Variants in TENM2 observed in about 807,000 individuals in gnomAD.
TENM2 encodes the protein teneurin-2.
Under a neutral mutation model 245.2 loss-of-function variants are expected in TENM2, and 52 were observed. The ratio of observed to expected loss-of-function variants is 0.21; its 90% CI spans 0.17 to 0.27. The LOEUF (loss-of-function observed/expected upper bound fraction) is 0.27, where lower values mean the gene tolerates loss of function less well. Among genes scored for constraint, TENM2 ranks in the 10% least tolerant of loss-of-function variants. The probability of loss-of-function intolerance (pLI) is 1.00; values close to 1 mark genes in which losing one functional copy is unlikely to be tolerated. For missense variants in TENM2, 3,046 were observed against 3,666.8 expected, an observed-to-expected ratio of 0.83 and a Z score of 4.37; for synonymous variants, 1,363 against 1,438.9, an observed-to-expected ratio of 0.95 and a Z score of 1.19.
At chr5:168,230,157 A>G (rs1764717291) in intron 25 of TENM2, among the ~76,000 whole-genome samples, 1 of 152,246 alleles carries the variant, frequency 6.6e-6, no homozygotes, top group African/African-American at 2.4e-5. Flanking sequence ...AATTTCTGCC[A>G]GGGTTAGATT....
chr5:167,677,629 C>T (rs551316698), intron 2 of TENM2, among the ~76,000 whole-genome samples: 1 of 151,388 alleles, frequency 6.6e-6, no homozygotes, highest in South Asian at 2.1e-4. Context: ...TTGCTTTCAA[C>T]ATAGATTTCT....
In TENM2 at chr5:168,185,915, CATATATATAT is replaced by C. The variant is rs200942772; in HGVS notation, c.2570-4381_2570-4372del. ...GGACATATACTATATACCAGACTGA[CATATATATAT>C]ATATATATATATATATATATATATA... On this transcript the variant is annotated intron_variant, in intron 13 of 28. Transcript: ENST00000518659. Among the ~76,000 whole-genome samples, 234 of 73,748 alleles carry C rather than the reference CATATATATAT, an allele frequency of 3.2e-3. 1 individual carries two copies. The highest frequency in any genetic ancestry group is 4.9e-3 in the Non-Finnish European group (174 of 35,870). 48.4% of individuals were successfully genotyped at this position (73,748 alleles called of 152,430 possible).
At chr5:167,157,118 A>T in the TENM2 span, among the ~76,000 whole-genome samples, 3 of 152,180 alleles carry the variant, frequency 2.0e-5, no homozygotes, top group Non-Finnish European at 4.4e-5. Context: ...GTAATTTGGC[A>T]ATCTGTTACA....
At chr5:167,678,943 C>T (rs1756521604) in intron 2 of TENM2, among the ~76,000 whole-genome samples, 1 of 152,020 alleles carries the variant, frequency 6.6e-6, no homozygotes, top group African/African-American at 2.4e-5. Context: ...TTTTCTTCGG[C>T]AAAGTTGACG....
the TENM2 span, among the ~76,000 whole-genome samples, chr5:167,190,465 C>T: frequency 2.0e-5 from 3 of 151,982 alleles, no homozygotes; most frequent in African/African-American, 7.2e-5. Flanking sequence ...GGAAATTTTA[C>T]AGTCCTTATA....
chr5:167,369,529 C>A (rs184322804), intron 1 of TENM2, among the ~76,000 whole-genome samples: 5 of 151,968 alleles, frequency 3.3e-5, no homozygotes, highest in Non-Finnish European at 7.4e-5. Flanking sequence ...TATAGATTGG[C>A]ACCATATTAC....
chr5:167,226,014 C>T, the TENM2 span, among the ~76,000 whole-genome samples: 2 of 151,698 alleles, frequency 1.3e-5, no homozygotes, highest in Non-Finnish European at 3.0e-5. Context: ...TGTAATGCAT[C>T]CTTTTTGATT....
At chr5:168,007,179 T>G (rs1476762417) in intron 5 of TENM2, among the ~76,000 whole-genome samples, 1 of 151,642 alleles carries the variant, frequency 6.6e-6, no homozygotes, top group Non-Finnish European at 1.5e-5. Context: ...CAGGCTGGAG[T>G]GCAGCGGCAT....
At chr5:167,062,058 CTTAGTA>C in the TENM2 span, among the ~76,000 whole-genome samples, 4 of 151,898 alleles carry the variant, frequency 2.6e-5, no homozygotes, top group Non-Finnish European at 5.9e-5. Flanking sequence ...CTTCATGGCA[CTTAGTA>C]ATTTTAATAT....
intron 2 of TENM2, among the ~76,000 whole-genome samples, chr5:167,701,244 G>GT (rs970200215): frequency 3.4e-4 from 52 of 152,082 alleles, no homozygotes; most frequent in Admixed American, 3.1e-3. Context: ...CAGGATGTGG[G>GT]TTTTTTGCAT....
intron 13 of TENM2, among the ~76,000 whole-genome samples, chr5:168,164,566 C>G (rs1404334799): frequency 6.6e-6 from 1 of 152,158 alleles, no homozygotes; most frequent in Non-Finnish European, 1.5e-5. Flanking sequence ...CGGCCCTTTA[C>G]AGGAGAAGTT....
At chr5:167,823,404 A>G (rs1767700009) in intron 2 of TENM2, among the ~76,000 whole-genome samples, 1 of 152,166 alleles carries the variant, frequency 6.6e-6, no homozygotes, top group Non-Finnish European at 1.5e-5. Context: ...ACACGCACAC[A>G]CAGACACACA....
At chr5:167,955,513 T>A (rs1780481935) in intron 4 of TENM2, among the ~76,000 whole-genome samples, 1 of 152,180 alleles carries the variant, frequency 6.6e-6, no homozygotes, top group African/African-American at 2.4e-5. Flanking sequence ...TGCCATTGCT[T>A]TTTGTGTTTT....
At chr5:167,766,129 C>T (rs940106457) in intron 2 of TENM2, among the ~76,000 whole-genome samples, 5 of 152,054 alleles carry the variant, frequency 3.3e-5, no homozygotes, top group East Asian at 1.9e-4. Context: ...GAAGAAATCA[C>T]GAGGAGGGGA....
At chr5:168,065,015 T>C (rs1790375679) in intron 7 of TENM2, among the ~76,000 whole-genome samples, 1 of 152,206 alleles carries the variant, frequency 6.6e-6, no homozygotes. Flanking sequence ...CTCGAACTAT[T>C]ATAGAATTTC....
At chr5:167,285,025 A>G in exon 1 of TENM2, 1 of 1,552,156 alleles carries the variant, frequency 6.4e-7, no homozygotes, top group Non-Finnish European at 8.7e-7. Flanking sequence ...CGAGTCACAG[A>G]CCTCATCCAC....
intron 2 of TENM2, among the ~76,000 whole-genome samples, chr5:167,799,824 T>C (rs1036819713): frequency 6.6e-6 from 1 of 152,206 alleles, no homozygotes; most frequent in Non-Finnish European, 1.5e-5. Flanking sequence ...ATACATTATC[T>C]ATGATGATCA....
At chr5:167,261,413 T>A in the TENM2 span, among the ~76,000 whole-genome samples, 2 of 152,146 alleles carry the variant, frequency 1.3e-5, no homozygotes, top group Non-Finnish European at 2.9e-5. Context: ...TTCCATGAGA[T>A]CATGCACATA....
the TENM2 span, among the ~76,000 whole-genome samples, chr5:167,102,839 A>G: frequency 2.0e-5 from 3 of 152,246 alleles, no homozygotes; most frequent in South Asian, 4.1e-4. Context: ...TTGTATTTTT[A>G]GTAGAGACGG....
Sources: allele counts gnomAD v4.1 joint callset (sites outside exome capture counted in the v4.1 genomes callset), GRCh38; gene constraint gnomAD v4.1.1; transcripts MANE v1.5; gene names NCBI Gene and HGNC (gene_info 2026-07-23, HGNC 2026-07-21).